The following SGIP1 variants were observed in gnomAD, a reference collection of about 807,000 sequenced individuals.
The protein encoded by SGIP1 is SH3-containing GRB2-like protein 3-interacting protein 1.
Under a neutral mutation model 107.5 loss-of-function variants are expected in SGIP1, and 38 were observed. The ratio of observed to expected loss-of-function variants is 0.35; its 90% CI spans 0.27 to 0.46. The LOEUF (loss-of-function observed/expected upper bound fraction) is 0.46, where lower values mean the gene tolerates loss of function less well. SGIP1 is among the 20% of genes least tolerant of loss of function. The pLI is 1.00. For missense variants in SGIP1, 929 were observed against 1,019.5 expected, an observed-to-expected ratio of 0.91 and a Z score of 1.21; for synonymous variants, 365 against 366.1, an observed-to-expected ratio of 1.00 and a Z score of 0.03.
Position 66,741,394 on chromosome 1 carries a change from G to A in SGIP1, c.2422G>A (p.Ala808Thr). ...LSGCDIELVGAGYRFSLIKKR... is the reference protein window; with the variant it reads ...LSGCDIELVGTGYRFSLIKKR... ...TGGCTGTGACATTGAACTTGTTGGAGCAGGGTATCGATTTTCACTCATCAA... is the reference window on the plus strand; with the variant it reads ...TGGCTGTGACATTGAACTTGTTGGAACAGGGTATCGATTTTCACTCATCAA... Residue 808 changes from alanine to threonine, a missense_variant, in exon 24 of 25, where the codon GCA (alanine) becomes ACA (threonine). This residue lies in a region of SGIP1 where 341 missense variants were observed against 430.9 expected (regional missense o/e 0.79). Transcript: ENST00000371037. The A allele has an allele frequency of 3.1e-6, 5 of 1,605,440 alleles. No homozygotes were observed. The highest frequency in any genetic ancestry group is 4.3e-6 in the Non-Finnish European group (5 of 1,175,480).
chr1:66,690,293 G>A lies in SGIP1; in HGVS notation c.1547G>A (p.Ser516Asn). The change falls in exon 17 of 25, where the codon AGC becomes AAC. Residue 516 changes from serine (S) to asparagine (N), a missense_variant. Coordinates refer to ENST00000371037, the MANE Select transcript of SGIP1 (RefSeq NM_032291.4). The part of the protein sequence containing the change: ...TSSISSTNSL[S>N]AATTPTVENE... ...TCAATATCGTCAACCAATTCCTTGA[G>A]CGCAGCCACCACTCCCACAGTTGGT... The A allele has an allele frequency of 6.2e-7, 1 of 1,614,114 alleles. No individual in the cohort carries two copies. Among genetic ancestry groups the A allele is most frequent in the African/African-American group, 1.3e-5 (1 of 75,042 alleles).
rs1283220713 is a variant in SGIP1 at position 66,652,456 on chromosome 1, TG to T, written c.460-8055del. ...CTTCTCCCTTCCTCTGGAAAGTAAG[TG>T]GTACAGTGAAGTAAAGAATCTGACA... On this transcript the variant is annotated intron_variant, in intron 7 of 24. Coordinates refer to ENST00000371037, the MANE Select transcript of SGIP1 (RefSeq NM_032291.4). Among the ~76,000 whole-genome samples the T allele has an allele frequency of 2.6e-5, 4 of 152,136 alleles. No homozygotes were observed. The East Asian group carries it at 7.7e-4, about 29-fold the overall frequency.
chr1:66,638,417 A>G (rs2076195008), intron 4 of SGIP1, among the ~76,000 whole-genome samples: 1 of 152,204 alleles, frequency 6.6e-6, no homozygotes, highest in African/African-American at 2.4e-5. Flanking sequence ...AATGAAGGCA[A>G]TTATATGGGA....
intron 18 of SGIP1, 28 bp from the exon 19 acceptor site, chr1:66,719,266 A>G: frequency 6.7e-7 from 1 of 1,487,888 alleles, no homozygotes; most frequent in Non-Finnish European, 9.3e-7. Flanking sequence ...TATTTTCATA[A>G]TAAATGAAAA....
intron 1 of SGIP1, among the ~76,000 whole-genome samples, chr1:66,560,282 T>C (rs916747925): frequency 1.4e-4 from 21 of 152,150 alleles, no homozygotes; most frequent in African/African-American, 4.8e-4. Flanking sequence ...AAGTACCCAG[T>C]TGATTTTGTT....
chr1:66,659,990 G>T lies in SGIP1; in HGVS notation c.460-523G>T, dbSNP rs2080695531. 3.7e-5 allele frequency: 3 copies of T among 81,324 alleles called. 1 individual carries two copies. The highest frequency in any genetic ancestry group is 1.7e-4 in the African/African-American group (2 of 11,976). The allele number at this position is 81,324 out of a possible 1,614,324, so 5.0% of individuals were successfully genotyped here. On this transcript the variant is annotated intron_variant, in intron 7 of 24. Coordinates refer to ENST00000371037, the MANE Select transcript of SGIP1 (RefSeq NM_032291.4). Reference sequence around the variant, plus strand: ...AGAAAGAAAGAAAGAAAGAAAGAAAGAAAGAAAGACAGACAGACAGACAGA... The same window carrying T: ...AGAAAGAAAGAAAGAAAGAAAGAAATAAAGAAAGACAGACAGACAGACAGA...
chr1:66,649,464 A>G (rs535060528), intron 7 of SGIP1, among the ~76,000 whole-genome samples: 2 of 152,312 alleles, frequency 1.3e-5, no homozygotes, highest in South Asian at 4.2e-4. Flanking sequence ...GCTACCTTAC[A>G]GGGTGGTTGT....
chr1:66,642,817 C>G lies in SGIP1; in HGVS notation c.236C>G (p.Pro79Arg), dbSNP rs2077020577. The change falls in exon 6 of 25, where the codon CCT becomes CGT. Residue 79 changes from proline to arginine, a missense_variant. Around this residue, in one of 2 missense-constraint regions of SGIP1, gnomAD observed 588 missense variants for 588.6 expected, o/e 1.00. Coordinates refer to ENST00000371037, the MANE Select transcript of SGIP1 (RefSeq NM_032291.4). ...AEIDWERYNS[P>R]ELDEEGYSIR... ...TGCACTTGTGTTTTATAGAACTCAC[C>G]TGAGCTGGATGAAGAAGGCTACAGC... 6.2e-7 allele frequency: 1 copy of G among 1,611,792 alleles called. No homozygotes were observed.
At chr1:66,614,105 G>A (rs2068644155) in intron 1 of SGIP1, among the ~76,000 whole-genome samples, 1 of 152,200 alleles carries the variant, frequency 6.6e-6, no homozygotes, top group Non-Finnish European at 1.5e-5. Flanking sequence ...GAGGACCTAG[G>A]ATCTGAGAAT....
intron 1 of SGIP1, among the ~76,000 whole-genome samples, chr1:66,580,139 G>A (rs1376778977): frequency 1.3e-5 from 2 of 151,992 alleles, no homozygotes; most frequent in Non-Finnish European, 2.9e-5. Context: ...CAAAATTTAA[G>A]GCAGATCATG....
chr1:66,611,285 A>G lies in SGIP1; in HGVS notation c.11-14562A>G, dbSNP rs139417212. On this transcript the variant is annotated intron_variant, in intron 1 of 24. Transcript: ENST00000371037. ...TATGAATACTGAGGCTGAGAGAAGT[A>G]TAAGTTTATTCATAGTAACATAAGT... 7.6e-3 allele frequency among the ~76,000 whole-genome samples: 1,153 copies of G among 152,376 alleles called. 4 individuals carry two copies. Among genetic ancestry groups the G allele is most frequent in the Non-Finnish European group, 0.013 (869 of 68,038 alleles).
At chr1:66,638,532 A>C (rs774021545) in intron 4 of SGIP1, among the ~76,000 whole-genome samples, 3 of 152,204 alleles carry the variant, frequency 2.0e-5, no homozygotes, top group Non-Finnish European at 4.4e-5. Flanking sequence ...CTGTGGAGGC[A>C]TGGCCCAGTT....
intron 21 of SGIP1, 89 bp downstream of exon 21, chr1:66,733,969 C>T (rs920613962): frequency 4.6e-5 from 63 of 1,379,342 alleles, no homozygotes; most frequent in Non-Finnish European, 5.9e-5. Flanking sequence ...ACTAAAGTAA[C>T]ACTTCTTTTA....
chr1:66,656,237 G>T (rs1275824400), intron 7 of SGIP1, among the ~76,000 whole-genome samples: 1 of 152,166 alleles, frequency 6.6e-6, no homozygotes, highest in Non-Finnish European at 1.5e-5. Flanking sequence ...CCACTGGAAG[G>T]CCTGCAGGGG....
intron 18 of SGIP1, among the ~76,000 whole-genome samples, chr1:66,714,675 ACATTATG>A (rs2093128172): frequency 6.6e-6 from 1 of 152,098 alleles, no homozygotes; most frequent in Admixed American, 6.6e-5. Context: ...TAAAACACAG[ACATTATG>A]CAGTCTATTG....
intron 18 of SGIP1, chr1:66,704,131 C>T (rs2092279600): frequency 6.6e-6 from 1 of 152,066 alleles, no homozygotes; most frequent in South Asian, 2.1e-4. Context: ...CATGCATCCT[C>T]TGCTTGTAAC....
intron 1 of SGIP1, among the ~76,000 whole-genome samples, chr1:66,615,239 A>C (rs2068976345): frequency 6.6e-6 from 1 of 152,088 alleles, no homozygotes; most frequent in Non-Finnish European, 1.5e-5. Flanking sequence ...GTTTCAAGCT[A>C]TTCTCCTGCC....
intron 2 of SGIP1, among the ~76,000 whole-genome samples, chr1:66,629,907 C>A (rs2073874925): frequency 6.6e-6 from 1 of 152,140 alleles, no homozygotes; most frequent in African/African-American, 2.4e-5. Flanking sequence ...TTATGTTAGT[C>A]CACTGAATCC....
rs555409917 is a variant in SGIP1 at position 66,668,113 on chromosome 1, A to C, written c.483+572A>C. 1.2e-4 allele frequency among the ~76,000 whole-genome samples: 18 copies of C among 152,314 alleles called. 1 individual carries two copies. In the East Asian group the frequency reaches 3.3e-3, roughly 28 times the overall value. On this transcript the variant is annotated intron_variant, in intron 9 of 24. Coordinates refer to ENST00000371037, the MANE Select transcript of SGIP1 (RefSeq NM_032291.4). ...CTAAATAAATTTCATCACAGAAGAC[A>C]AACTTTGGGAGGGTAGATCAATATT...
Sources: gnomAD v4.1 joint callset for allele counts (sites outside exome capture counted in the v4.1 genomes callset) on GRCh38, gnomAD v4.1.1 for gene constraint, gnomAD v4.1.1 regional missense constraint, MANE v1.5 for transcripts, NCBI Gene and HGNC (gene_info 2026-07-23, HGNC 2026-07-21) for gene names.